The following DAB1 variants were observed in gnomAD, a reference collection of about 807,000 sequenced individuals.
DAB1 encodes the protein DAB adaptor protein 1, also known as disabled homolog 1.
DAB1 carries 15 observed loss-of-function variants against 64.6 expected under a neutral mutation model. The ratio of observed to expected loss-of-function variants is 0.23; its 90% CI spans 0.16 to 0.36. The LOEUF is 0.36. Ranked by LOEUF, DAB1 falls within the 10% of genes least tolerant of loss-of-function variation. The probability of loss-of-function intolerance (pLI) is 1.00; values close to 1 mark genes in which losing one functional copy is unlikely to be tolerated. For synonymous variants in DAB1, 235 were observed against 251.9 expected (o/e 0.93, Z 0.64); for missense variants, 596 against 706.7 (o/e 0.84, Z 1.78).
chr1:57,385,965 A>T (rs924746593), intron 1 of DAB1, among the ~76,000 whole-genome samples: 1 of 152,188 alleles, frequency 6.6e-6, no homozygotes, highest in East Asian at 1.9e-4. Flanking sequence ...AGCATGGGTT[A>T]TAGAGTTAGC....
chr1:57,105,984 G>A (rs1655102125), intron 4 of DAB1, among the ~76,000 whole-genome samples: 1 of 152,120 alleles, frequency 6.6e-6, no homozygotes, highest in South Asian at 2.1e-4. Flanking sequence ...TGTCTTGGGT[G>A]AGGCCAAGCA....
At chr1:57,674,120 G>A (rs1570726068) in intron 6 of DAB1, among the ~76,000 whole-genome samples, 3 of 152,270 alleles carry the variant, frequency 2.0e-5, no homozygotes, top group East Asian at 1.9e-4. Context: ...TAAATTATGT[G>A]TGTGTTGGGG....
At chr1:58,381,004 A>C (rs1644381926) in intron 3 of DAB1, among the ~76,000 whole-genome samples, 1 of 152,228 alleles carries the variant, frequency 6.6e-6, no homozygotes, top group African/African-American at 2.4e-5. Flanking sequence ...ACATAGATGG[A>C]GCTGGAAGCC....
At chr1:57,346,153 G>A (rs1678068682) in intron 1 of DAB1, among the ~76,000 whole-genome samples, 1 of 152,160 alleles carries the variant, frequency 6.6e-6, no homozygotes, top group African/African-American at 2.4e-5. Flanking sequence ...TAACTGGGCT[G>A]AGCAATGAAT....
intron 7 of DAB1, among the ~76,000 whole-genome samples, chr1:57,624,236 A>T (rs368799190): frequency 3.9e-5 from 6 of 152,356 alleles, no homozygotes; most frequent in African/African-American, 1.4e-4. Flanking sequence ...ATCAGTCTTT[A>T]ACAGGTTGTA....
chr1:57,479,447 T>C (rs1287335632), intron 7 of DAB1, among the ~76,000 whole-genome samples: 3 of 148,590 alleles, frequency 2.0e-5, no homozygotes, highest in Non-Finnish European at 4.5e-5. Flanking sequence ...ATATATAATA[T>C]ATATATTTTA....
chr1:57,889,377 A>G (rs576910167), intron 5 of DAB1, among the ~76,000 whole-genome samples: 1 of 152,374 alleles, frequency 6.6e-6, no homozygotes, highest in Non-Finnish European at 1.5e-5. Context: ...TGTATGTAGA[A>G]GTCAGTGTGT....
chr1:57,154,136 ATAG>A (rs1361351350), intron 2 of DAB1, among the ~76,000 whole-genome samples: 2 of 152,192 alleles, frequency 1.3e-5, no homozygotes, highest in Non-Finnish European at 2.9e-5. Context: ...GTGCTATCAA[ATAG>A]TAGAACTTAT....
At chr1:57,498,666 A>T (rs2101305858) in intron 7 of DAB1, among the ~76,000 whole-genome samples, 1 of 152,350 alleles carries the variant, frequency 6.6e-6, no homozygotes, top group Admixed American at 6.5e-5. Flanking sequence ...TTAGGGCAGA[A>T]TAACACGATT....
intron 7 of DAB1, among the ~76,000 whole-genome samples, chr1:57,579,187 A>G (rs1645284263): frequency 6.6e-6 from 1 of 152,214 alleles, no homozygotes; most frequent in African/African-American, 2.4e-5. Context: ...AGTTCAAGCA[A>G]GCCAGGGACT....
intron 6 of DAB1, among the ~76,000 whole-genome samples, chr1:57,727,507 G>A (rs1207450788): frequency 2.0e-5 from 3 of 152,148 alleles, no homozygotes; most frequent in African/African-American, 4.8e-5. Flanking sequence ...GGCCAGGCAG[G>A]GATGGCAACG....
At chr1:57,116,114 T>C (rs1014169842) in intron 4 of DAB1, among the ~76,000 whole-genome samples, 1 of 152,082 alleles carries the variant, frequency 6.6e-6, no homozygotes, top group Non-Finnish European at 1.5e-5. Context: ...CAAAAACTGT[T>C]GGGGACACGC....
intron 7 of DAB1, among the ~76,000 whole-genome samples, chr1:57,569,227 C>A (rs1446581455): frequency 6.6e-4 from 91 of 138,772 alleles, no homozygotes; most frequent in Non-Finnish European, 1.2e-3. Flanking sequence ...CCACTGCACT[C>A]CAGCCTGGGC....
chr1:57,772,538 T>G (rs1241225720), intron 6 of DAB1, among the ~76,000 whole-genome samples: 1 of 152,054 alleles, frequency 6.6e-6, no homozygotes, highest in Admixed American at 6.6e-5. Flanking sequence ...CAAGTAAGCA[T>G]CTAGGAGTAG....
intron 1 of DAB1, among the ~76,000 whole-genome samples, chr1:57,827,146 C>A (rs1345961795): frequency 6.6e-6 from 1 of 152,144 alleles, no homozygotes; most frequent in Non-Finnish European, 1.5e-5. Flanking sequence ...CTGCCAAAGG[C>A]CAGATCCAGT....
At chr1:57,770,528 G>T (rs911746714) in intron 6 of DAB1, among the ~76,000 whole-genome samples, 2 of 152,092 alleles carry the variant, frequency 1.3e-5, no homozygotes, top group African/African-American at 4.8e-5. Flanking sequence ...CATTGGGATT[G>T]CAGGCATGAG....
In DAB1 at chr1:57,875,605, A is replaced by G. The variant is rs144357328; in HGVS notation, n.87+8394T>C. On this transcript the variant is annotated intron_variant and non_coding_transcript_variant, in intron 1 of 1. Transcript: ENST00000477280. ...AGCTCATTAGACTTTAGATTCCTTG[A>G]GGGCAGATTGTGTCTTGCTGACAGA... is the stretch of plus-strand genomic sequence containing the variant. Among the ~76,000 whole-genome samples, 193 of 152,304 alleles carry G rather than the reference A, an allele frequency of 1.3e-3. 1 individual carries two copies. Among genetic ancestry groups the G allele is most frequent in the African/African-American group, 4.6e-3 (192 of 41,570 alleles).
At chr1:57,416,265 T>C (rs545854916) in intron 1 of DAB1, among the ~76,000 whole-genome samples, 72 of 152,320 alleles carry the variant, frequency 4.7e-4, no homozygotes, top group Non-Finnish European at 8.4e-4. Flanking sequence ...AGATGTCCCT[T>C]GCATATATCA....
At chr1:58,545,066 C>A (rs17117747) in intron 1 of DAB1, among the ~76,000 whole-genome samples, 2,508 of 152,214 alleles carry the variant, frequency 0.016, 55 homozygotes, top group East Asian at 0.12. Flanking sequence ...TCCACAAACT[C>A]CTTCATATGG....
Sources: gnomAD v4.1 joint callset for allele counts (sites outside exome capture counted in the v4.1 genomes callset) on GRCh38, gnomAD v4.1.1 for gene constraint, MANE v1.5 for transcripts, NCBI Gene and HGNC (gene_info 2026-07-23, HGNC 2026-07-21) for gene names.